DNMBP: variants seen among roughly 807,000 people sequenced by gnomAD.
The protein encoded by DNMBP is dynamin-binding protein.
A neutral mutation model predicts 150.0 loss-of-function variants in DNMBP; 87 were observed. The ratio of observed to expected loss-of-function variants is 0.58; its 90% CI spans 0.49 to 0.69. DNMBP has a LOEUF of 0.69. DNMBP is among the 30% of genes least tolerant of loss of function. The pLI, the probability that DNMBP is intolerant of heterozygous loss-of-function variation, is 0.00. For synonymous variants in DNMBP, 711 were observed against 750.4 expected (o/e 0.95, Z 0.86); for missense variants, 1,774 against 1,949.0 (o/e 0.91, Z 1.69).
intron 6 of DNMBP, among the ~76,000 whole-genome samples, chr10:99,903,799 A>G (rs1328961311): frequency 6.6e-6 from 1 of 152,164 alleles, no homozygotes; most frequent in African/African-American, 2.4e-5. Context: ...AACTTCCCTG[A>G]TAGTCACTGT....
rs527613283 is a variant in DNMBP at position 99,950,893 on chromosome 10, T to G, written c.2260+4321A>C. Among the ~76,000 whole-genome samples, 10 of 152,274 alleles carry G rather than the reference T, an allele frequency of 6.6e-5. No individual in the cohort carries two copies. The East Asian group carries it at 1.2e-3, about 18-fold the overall frequency. Reference sequence around the variant, plus strand: ...GAAAAACCAGCTGCAGAAATTTGCGTAAGTAATGAGCAGCCAAATGTTAAT... The same window carrying G: ...GAAAAACCAGCTGCAGAAATTTGCGGAAGTAATGAGCAGCCAAATGTTAAT... On this transcript the variant is annotated intron_variant, in intron 4 of 16. Coordinates refer to ENST00000324109, the MANE Select transcript of DNMBP (RefSeq NM_015221.4).
chr10:99,911,684 G>C lies in DNMBP; in HGVS notation c.2261-2538C>G, dbSNP rs544970874. Among the ~76,000 whole-genome samples, 12 of 152,210 alleles carry C rather than the reference G, an allele frequency of 7.9e-5. 1 individual carries two copies. In the South Asian group the frequency reaches 2.5e-3, roughly 32 times the overall value. ...ATACAGGAGTTTTCATTGTACTATT[G>C]CAATTTTCTGTATATTTGGTATTAT... On this transcript the variant is annotated intron_variant, in intron 4 of 16. Transcript: ENST00000324109.
chr10:99,993,246 G>A (rs775959892), intron 1 of DNMBP, among the ~76,000 whole-genome samples: 5 of 152,128 alleles, frequency 3.3e-5, no homozygotes, highest in African/African-American at 7.2e-5. Context: ...GCATTGGGAT[G>A]TATTCTGGTA....
chr10:99,984,445 A>C (rs2040809666), intron 1 of DNMBP, among the ~76,000 whole-genome samples: 1 of 152,250 alleles, frequency 6.6e-6, no homozygotes, highest in Admixed American at 6.5e-5. Flanking sequence ...TGTAATACAC[A>C]TGACAGCAGT....
chr10:99,943,304 A>T (rs111993907), intron 4 of DNMBP, among the ~76,000 whole-genome samples: 12,954 of 152,128 alleles, frequency 0.085, 827 homozygotes, highest in African/African-American at 0.17. Context: ...CCAACAAAAA[A>T]AAAAAACACA....
At position 99,900,497 on chromosome 10, in the gene DNMBP, AC is replaced by A. The variant is rs572187840; in HGVS notation, c.2555-432del. Among the ~76,000 whole-genome samples, 10 of 152,136 alleles carry A rather than the reference AC, an allele frequency of 6.6e-5. No individual in the cohort carries two copies. In the East Asian group the frequency reaches 1.9e-3, roughly 30 times the overall value. ...CCCAGGCTCATGTATTTGTTTTAGA[AC>A]AAACACACACACACACAATGTGACT... On this transcript the variant is annotated intron_variant, in intron 6 of 16. Transcript: ENST00000324109.
At chr10:99,966,741 C>CT (rs973082617) in intron 3 of DNMBP, among the ~76,000 whole-genome samples, 3 of 152,082 alleles carry the variant, frequency 2.0e-5, no homozygotes, top group African/African-American at 7.2e-5. Flanking sequence ...GTAAGAAACT[C>CT]TCAAAACAAC....
chr10:99,972,057 A>T lies in DNMBP; in HGVS notation c.68T>A (p.Leu23His). Reference protein sequence around the residue: ...FCPSVSEELPLFVGDIIEVLA... With the variant: ...FCPSVSEELPHFVGDIIEVLA... ...CACCTCAATAATATCTCCCACAAAG[A>T]GCGGCAGTTCTTCTGATACGCTAGG... Residue 23 changes from leucine to histidine, a missense_variant, in exon 2 of 17, where the codon CTC becomes CAC. Coordinates refer to ENST00000324109, the MANE Select transcript of DNMBP (RefSeq NM_015221.4). 1 of 1,614,008 alleles carries T rather than the reference A, an allele frequency of 6.2e-7. No individual in the cohort carries two copies. Among genetic ancestry groups the T allele is most frequent in the East Asian group, 2.2e-5 (1 of 44,866 alleles).
At chr10:99,974,841 G>A (rs2040712302) in intron 1 of DNMBP, among the ~76,000 whole-genome samples, 1 of 152,176 alleles carries the variant, frequency 6.6e-6, no homozygotes, top group African/African-American at 2.4e-5. Context: ...GTGGCTCACC[G>A]TAGCCTCGAT....
intron 3 of DNMBP, among the ~76,000 whole-genome samples, chr10:99,964,692 G>T (rs1392190656): frequency 1.3e-5 from 2 of 151,358 alleles, no homozygotes; most frequent in Non-Finnish European, 2.9e-5. Context: ...CCAAAATGGT[G>T]AAACCCTGTC....
chr10:99,893,024 G>C (rs1440698743), intron 11 of DNMBP, among the ~76,000 whole-genome samples: 1 of 152,098 alleles, frequency 6.6e-6, no homozygotes, highest in Non-Finnish European at 1.5e-5. Flanking sequence ...GTAAGTCACA[G>C]AAAAATATAA....
At chr10:99,913,896 C>A in intron 4 of DNMBP, 4 of 1,282,878 alleles carry the variant, frequency 3.1e-6, no homozygotes, top group Non-Finnish European at 4.0e-6. Flanking sequence ...TGAACAGGGA[C>A]GAAGAGGCTG....
chr10:99,991,570 C>T (rs2040891701), intron 1 of DNMBP, among the ~76,000 whole-genome samples: 1 of 150,106 alleles, frequency 6.7e-6, no homozygotes, highest in Non-Finnish European at 1.5e-5. Flanking sequence ...TCAAGGTCTT[C>T]ATATCATTTT....
intron 1 of DNMBP, among the ~76,000 whole-genome samples, chr10:100,001,606 T>TTTGGG: frequency 6.6e-6 from 1 of 152,120 alleles, no homozygotes; most frequent in Non-Finnish European, 1.5e-5. Flanking sequence ...AGTGATGGGG[T>TTTGGG]TTGGCCATGT....
At chr10:99,951,275 C>A (rs2040419849) in intron 4 of DNMBP, among the ~76,000 whole-genome samples, 1 of 152,216 alleles carries the variant, frequency 6.6e-6, no homozygotes, top group South Asian at 2.1e-4. Flanking sequence ...AAGTTTGCTG[C>A]AGGTGCAGGG....
chr10:99,923,284 G>A (rs1385583379), intron 4 of DNMBP, among the ~76,000 whole-genome samples: 1 of 152,182 alleles, frequency 6.6e-6, no homozygotes, highest in Non-Finnish European at 1.5e-5. Context: ...AGCTACTCGG[G>A]AGGCTGAGGC....
chr10:99,913,533 C>T (rs554950999), intron 4 of DNMBP, among the ~76,000 whole-genome samples: 4 of 152,224 alleles, frequency 2.6e-5, no homozygotes, highest in Non-Finnish European at 5.9e-5. Flanking sequence ...TTACTTTCTT[C>T]CTAGGATAGC....
chr10:99,885,792 T>C lies in DNMBP; in HGVS notation c.3693A>G (p.Gln1231=), dbSNP rs754879855. The C allele has an allele frequency of 4.3e-6, 7 of 1,612,172 alleles. No individual in the cohort carries two copies. The highest frequency in any genetic ancestry group is 3.3e-5 in the Admixed American group (2 of 59,786). ...CCGGGAAGAAGGTAAAAACCTGGAG[T>C]TGCTGCAGAACTCTGCTGTGCTCTT... ...FHEEHSRVLQ[Q]LQVFTFFPES... The change falls in exon 14 of 17, where the codon CAA becomes CAG. Residue 1231 remains glutamine (Q), a synonymous_variant. Coordinates refer to ENST00000324109, the MANE Select transcript of DNMBP (RefSeq NM_015221.4).
rs868116224 is a variant in DNMBP, at chr10:99,922,507, T to G, written c.2261-13361A>C. Among the ~76,000 whole-genome samples the G allele has an allele frequency of 4.3e-3, 424 of 98,594 alleles. 2 individuals are homozygous for G. Among genetic ancestry groups the G allele is most frequent in the Middle Eastern group, 0.017 (3 of 172 alleles). 64.7% of individuals were successfully genotyped at this position (98,594 alleles called of 152,430 possible). A position where few individuals can be genotyped will look rare whatever the true frequency, so the allele number is the denominator to read the frequency against. On this transcript the variant is annotated intron_variant, in intron 4 of 16. Coordinates refer to ENST00000324109, the MANE Select transcript of DNMBP (RefSeq NM_015221.4). The stretch of plus-strand genomic sequence containing the variant: ...CACATAACCTAGCTGCTGCTGTTTT[T>G]TTTTTTTTTTTTTTTTTCTTAAAAA...
Sources: allele counts gnomAD v4.1 joint callset (sites outside exome capture counted in the v4.1 genomes callset), GRCh38; gene constraint gnomAD v4.1.1; transcripts MANE v1.5; gene names NCBI Gene and HGNC (gene_info 2026-07-23, HGNC 2026-07-21).